SUSD1: variants seen among roughly 807,000 people sequenced by gnomAD.
The protein encoded by SUSD1 is sushi domain containing 1.
In SUSD1, 65 loss-of-function variants were observed where a neutral mutation model predicts 86.9. The observed-to-expected ratio is 0.75, with a 90% CI of 0.61 to 0.92. SUSD1 has a LOEUF of 0.92. Ranked by LOEUF, SUSD1 falls within the 40% of genes least tolerant of loss-of-function variation. SUSD1 has a pLI of 0.00. For missense variants in SUSD1, 850 were observed against 929.7 expected (o/e 0.91, Z 1.11); for synonymous variants, 346 against 350.0 (o/e 0.99, Z 0.13).
intron 4 of SUSD1, among the ~76,000 whole-genome samples, chr9:112,143,238 G>A (rs1832661319): frequency 1.3e-5 from 2 of 151,624 alleles, no homozygotes; most frequent in Non-Finnish European, 2.9e-5. Flanking sequence ...CACCAGCCTC[G>A]GCCTCCCAAA....
In SUSD1 at chr9:112,124,372, C is replaced by T; in HGVS notation, c.771G>A (p.Arg257=). 2 of 1,614,160 alleles carry T rather than the reference C, an allele frequency of 1.2e-6. No homozygotes were observed. Among genetic ancestry groups the T allele is most frequent in the Admixed American group, 1.7e-5 (1 of 60,016 alleles). Residue 257 remains arginine (R), a synonymous_variant, in exon 6 of 17, where the codon AGG becomes AGA. Transcript: ENST00000374270. The part of the protein sequence containing the change: ...HAILVGNHSS[R]LGGVARYVCQ... Reference sequence around the variant, plus strand: ...AGACATAGCGAGCCACACCGCCCAGCCTGGAGCTGTGATTTCCTACCAAGA... The same window carrying T: ...AGACATAGCGAGCCACACCGCCCAGTCTGGAGCTGTGATTTCCTACCAAGA...
At chr9:112,052,633 C>G (rs536320437) in intron 14 of SUSD1, among the ~76,000 whole-genome samples, 195 bp from the exon 15 acceptor site, 6 of 152,260 alleles carry the variant, frequency 3.9e-5, no homozygotes, top group Admixed American at 3.9e-4. Flanking sequence ...GTTGCATGGA[C>G]AGAAGTGACC....
intron 5 of SUSD1, among the ~76,000 whole-genome samples, chr9:112,137,306 G>A (rs1197347762): frequency 6.6e-6 from 1 of 152,158 alleles, no homozygotes; most frequent in Non-Finnish European, 1.5e-5. Flanking sequence ...TCAGCGGGCA[G>A]AGGGAGCAGT....
At chr9:112,110,797 A>G (rs1265532882) in intron 8 of SUSD1, among the ~76,000 whole-genome samples, 1 of 152,080 alleles carries the variant, frequency 6.6e-6, no homozygotes, top group Non-Finnish European at 1.5e-5. Flanking sequence ...ACAATTATGT[A>G]AAATGAGGTT....
intron 6 of SUSD1, among the ~76,000 whole-genome samples, chr9:112,123,238 G>A (rs1308164091): frequency 6.6e-6 from 1 of 152,168 alleles, no homozygotes; most frequent in African/African-American, 2.4e-5. Context: ...AGGGCCCTGG[G>A]AAGTTGACAA....
At chr9:112,101,641 T>A (rs1240502116) in intron 9 of SUSD1, among the ~76,000 whole-genome samples, 1 of 150,234 alleles carries the variant, frequency 6.7e-6, no homozygotes, top group African/African-American at 2.5e-5. Flanking sequence ...AGGCTGGGAG[T>A]TTGAGACCAG....
chr9:112,147,683 C>T (rs528305523), intron 3 of SUSD1, among the ~76,000 whole-genome samples: 13 of 152,266 alleles, frequency 8.5e-5, no homozygotes, highest in Admixed American at 4.6e-4. Flanking sequence ...GCAGGAGAAT[C>T]GCTTGAACCC....
At chr9:112,102,120 G>T in intron 9 of SUSD1, 56 bp downstream of exon 9, 1 of 979,470 alleles carries the variant, frequency 1.0e-6, no homozygotes, top group Non-Finnish European at 1.5e-6. Context: ...CTTGGAGATC[G>T]CCCAAATTTT....
intron 8 of SUSD1, among the ~76,000 whole-genome samples, chr9:112,110,754 G>A (rs770845949): frequency 6.6e-6 from 1 of 150,726 alleles, no homozygotes; most frequent in South Asian, 2.1e-4. Flanking sequence ...TTAACTTACT[G>A]TAATTGTCAC....
At chr9:112,089,811 C>CAAA (rs3983407) in intron 10 of SUSD1, among the ~76,000 whole-genome samples, 10 of 115,952 alleles carry the variant, frequency 8.6e-5, no homozygotes, top group East Asian at 2.4e-4. Flanking sequence ...GATTCCATCT[C>CAAA]AAAAAAAAAA....
At position 112,058,500 on chromosome 9, in the gene SUSD1, T is replaced by C. The variant is rs1368683978; in HGVS notation, c.2037A>G (p.Glu679=). ...IPIGDRLYYG[E]YYNAPLKRGS... ...CTCTTTTCAAGGGTGCATTATAATA[T>C]TCCCCATAGTACAGCCTGTCTCCTA... The change falls in exon 14 of 17, where the codon GAA becomes GAG. Residue 679 remains glutamate, a synonymous_variant. Coordinates refer to ENST00000374270, the MANE Select transcript of SUSD1 (RefSeq NM_022486.5). The C allele has an allele frequency of 1.9e-6, 3 of 1,614,094 alleles. No individual in the cohort carries two copies. In the African/African-American group the frequency reaches 4.0e-5, roughly 22 times the overall value.
chr9:112,093,180 T>G (rs1279272881), intron 10 of SUSD1, among the ~76,000 whole-genome samples: 1 of 152,208 alleles, frequency 6.6e-6, no homozygotes, highest in Non-Finnish European at 1.5e-5. Context: ...AAAGGCAATT[T>G]TGGCTTCTCC....
chr9:112,085,019 A>T (rs567384717), intron 10 of SUSD1, among the ~76,000 whole-genome samples: 22 of 152,148 alleles, frequency 1.4e-4, no homozygotes, highest in African/African-American at 5.1e-4. Context: ...TGTATTATTG[A>T]TCTTTGTCTA....
chr9:112,108,926 G>GA (rs201920909), intron 8 of SUSD1, among the ~76,000 whole-genome samples: 5 of 150,722 alleles, frequency 3.3e-5, no homozygotes, highest in Admixed American at 6.6e-5. Context: ...ATCCCTCGGG[G>GA]AAAAAAAATA....
At chr9:112,154,333 CACA>C (rs1356193999) in intron 2 of SUSD1, among the ~76,000 whole-genome samples, 14 of 104,094 alleles carry the variant, frequency 1.3e-4, no homozygotes, top group South Asian at 2.7e-4. Context: ...CACACACACA[CACA>C]AAAAAAAAAA....
intron 5 of SUSD1, among the ~76,000 whole-genome samples, chr9:112,137,114 G>A (rs1405010507): frequency 6.6e-6 from 1 of 152,062 alleles, no homozygotes; most frequent in Non-Finnish European, 1.5e-5. Flanking sequence ...CTGTGAAATG[G>A]GAAATAATAC....
At chr9:112,162,215 T>C (rs1477955851) in intron 1 of SUSD1, among the ~76,000 whole-genome samples, 1 of 152,202 alleles carries the variant, frequency 6.6e-6, no homozygotes, top group Non-Finnish European at 1.5e-5. Flanking sequence ...AATCTGATAA[T>C]ATATGGTACA....
At chr9:112,164,867 C>A (rs1833712434) in intron 1 of SUSD1, among the ~76,000 whole-genome samples, 1 of 152,208 alleles carries the variant, frequency 6.6e-6, no homozygotes, top group South Asian at 2.1e-4. Flanking sequence ...TCACTTGAAG[C>A]CGGGAGGCGG....
intron 8 of SUSD1, among the ~76,000 whole-genome samples, chr9:112,107,274 GA>G (rs1216931646): frequency 9.1e-6 from 1 of 109,578 alleles, no homozygotes; most frequent in Non-Finnish European, 2.0e-5. Flanking sequence ...AAAAAAAAAA[GA>G]AAAGAAAGAA....
Sources: gnomAD v4.1 joint callset for allele counts (sites outside exome capture counted in the v4.1 genomes callset) on GRCh38, gnomAD v4.1.1 for gene constraint, MANE v1.5 for transcripts, NCBI Gene and HGNC (gene_info 2026-07-23, HGNC 2026-07-21) for gene names.